STX18: variants seen among roughly 807,000 people sequenced by gnomAD.
STX18 encodes the protein syntaxin 18.
Under a neutral mutation model 50.1 loss-of-function variants are expected in STX18, and 40 were observed. The ratio of observed to expected loss-of-function variants is 0.80; its 90% CI spans 0.62 to 1.04. The LOEUF (loss-of-function observed/expected upper bound fraction) is 1.04. Among genes scored for constraint, STX18 ranks in the 50% least tolerant of loss-of-function variants. The pLI is 0.00. For missense variants in STX18, 410 were observed against 415.8 expected, an observed-to-expected ratio of 0.99 and a Z score of 0.12; for synonymous variants, 158 against 151.8, an observed-to-expected ratio of 1.04 and a Z score of -0.30.
chr4:4,442,323 G>GAA (rs530567363), intron 5 of STX18, among the ~76,000 whole-genome samples: 1 of 148,986 alleles, frequency 6.7e-6, no homozygotes, highest in Non-Finnish European at 1.5e-5. Context: ...CCACACATAT[G>GAA]AAAAAAAAAA....
chr4:4,425,376 G>T (rs991400712), intron 7 of STX18, 154 bp from the exon 8 acceptor site: 2 of 668,088 alleles, frequency 3.0e-6, no homozygotes, highest in Non-Finnish European at 5.4e-6. Flanking sequence ...GTTAGCATTA[G>T]TGTGAACAAC....
chr4:4,521,470 C>T (rs1442539154), intron 1 of STX18, among the ~76,000 whole-genome samples: 1 of 151,990 alleles, frequency 6.6e-6, no homozygotes, highest in Non-Finnish European at 1.5e-5. Context: ...ATCATGAAAT[C>T]AGAAGAGCCC....
At chr4:4,503,978 G>C (rs777074019) in intron 1 of STX18, among the ~76,000 whole-genome samples, 1 of 151,760 alleles carries the variant, frequency 6.6e-6, no homozygotes, top group African/African-American at 2.4e-5. Context: ...ACATATGAGC[G>C]GTTACTCAGT....
chr4:4,485,688 G>A (rs1466739457), intron 1 of STX18, among the ~76,000 whole-genome samples: 1 of 152,290 alleles, frequency 6.6e-6, no homozygotes, highest in East Asian at 1.9e-4. Context: ...ACGCTGGGTG[G>A]ACGGCAGGCA....
intron 1 of STX18, among the ~76,000 whole-genome samples, chr4:4,518,188 G>A (rs1220289724): frequency 1.3e-5 from 2 of 152,170 alleles, no homozygotes; most frequent in African/African-American, 2.4e-5. Context: ...ATGAACAACT[G>A]CCCCAATTTA....
At chr4:4,455,385 C>G (rs1313431590) in intron 5 of STX18, among the ~76,000 whole-genome samples, 1 of 152,218 alleles carries the variant, frequency 6.6e-6, no homozygotes, top group Non-Finnish European at 1.5e-5. Flanking sequence ...CTATCTTCCA[C>G]AAATGCTTCT....
At chr4:4,459,253 C>G (rs1465869082) in intron 3 of STX18, 119 bp downstream of exon 3, 6 of 716,556 alleles carry the variant, frequency 8.4e-6, no homozygotes, top group Admixed American at 2.5e-5. Flanking sequence ...AAGATTTTAA[C>G]GTTTTAAAAC....
intron 1 of STX18, among the ~76,000 whole-genome samples, chr4:4,509,497 T>C (rs1287638654): frequency 6.6e-6 from 1 of 152,182 alleles, no homozygotes; most frequent in Admixed American, 6.5e-5. Context: ...TTTTCACCCA[T>C]TCTTGTGACA....
At chr4:4,448,697 C>T (rs1024656714) in intron 5 of STX18, among the ~76,000 whole-genome samples, 3 of 152,174 alleles carry the variant, frequency 2.0e-5, no homozygotes, top group Admixed American at 6.5e-5. Context: ...AAAATACTAT[C>T]TTTCTCAAAG....
chr4:4,520,328 G>A (rs1730455036), intron 1 of STX18, among the ~76,000 whole-genome samples: 1 of 152,176 alleles, frequency 6.6e-6, no homozygotes, highest in Non-Finnish European at 1.5e-5. Flanking sequence ...AATCTGTTAA[G>A]ACACTGTACA....
chr4:4,422,096 T>C (rs1343725359), intron 9 of STX18, among the ~76,000 whole-genome samples: 1 of 152,194 alleles, frequency 6.6e-6, no homozygotes, highest in Non-Finnish European at 1.5e-5. Flanking sequence ...ATGTGGCCTC[T>C]GATTCCCAGC....
intron 1 of STX18, among the ~76,000 whole-genome samples, chr4:4,519,886 G>A (rs939534888): frequency 6.6e-6 from 1 of 152,164 alleles, no homozygotes. Flanking sequence ...GCAGTTTATT[G>A]CTAAGTCAGG....
At chr4:4,480,388 G>GCCCT (rs1473276135) in intron 1 of STX18, among the ~76,000 whole-genome samples, 1 of 152,120 alleles carries the variant, frequency 6.6e-6, no homozygotes, top group African/African-American at 2.4e-5. Flanking sequence ...CAGACGCAAA[G>GCCCT]CCCTCCCTGC....
intron 1 of STX18, among the ~76,000 whole-genome samples, chr4:4,536,384 G>A (rs191452320): frequency 2.4e-3 from 360 of 152,250 alleles, no homozygotes; most frequent in Non-Finnish European, 4.3e-3. Context: ...ACATATATTC[G>A]AGTAGACAAA....
At chr4:4,421,905 CAG>C (rs1491347330) in intron 9 of STX18, among the ~76,000 whole-genome samples, 3 of 152,140 alleles carry the variant, frequency 2.0e-5, no homozygotes, top group South Asian at 2.1e-4. Context: ...TGGGATAACA[CAG>C]GGGGCGTCTG....
intron 1 of STX18, among the ~76,000 whole-genome samples, chr4:4,522,158 T>C (rs1254387104): frequency 2.0e-5 from 3 of 152,260 alleles, no homozygotes; most frequent in African/African-American, 7.2e-5. Context: ...CACTATTGCC[T>C]GCTTTCCTTT....
intron 7 of STX18, chr4:4,426,168 T>C (rs1399795258): frequency 6.6e-6 from 1 of 152,236 alleles, no homozygotes; most frequent in African/African-American, 2.4e-5. Flanking sequence ...CTTAGGATAG[T>C]AGCGCCCAAC....
intron 2 of STX18, among the ~76,000 whole-genome samples, chr4:4,470,531 T>C (rs1727858743): frequency 6.6e-6 from 1 of 152,160 alleles, no homozygotes; most frequent in African/African-American, 2.4e-5. Context: ...TACAGCCTGG[T>C]GACAAAGACA....
At chr4:4,425,084 G>T (rs907690773) in intron 8 of STX18, 80 bp downstream of exon 8, 5 of 1,340,918 alleles carry the variant, frequency 3.7e-6, no homozygotes, top group South Asian at 1.2e-5. Context: ...GGATGCCTGG[G>T]CACCAAGGTA....
Sources: gnomAD v4.1 joint callset for allele counts (sites outside exome capture counted in the v4.1 genomes callset) on GRCh38, gnomAD v4.1.1 for gene constraint, MANE v1.5 for transcripts, NCBI Gene and HGNC (gene_info 2026-07-23, HGNC 2026-07-21) for gene names.